The following MYT1L variants were observed in gnomAD, a reference collection of about 807,000 sequenced individuals.
MYT1L encodes the protein myelin transcription factor 1 like.
Under a neutral mutation model 126.7 loss-of-function variants are expected in MYT1L, and 12 were observed. That is an observed-to-expected ratio of 0.09 (90% confidence interval 0.06 to 0.15). MYT1L has a LOEUF of 0.15. Among genes scored for constraint, MYT1L ranks in the 10% least tolerant of loss-of-function variants. The pLI, the probability that MYT1L is intolerant of heterozygous loss-of-function variation, is 1.00. For synonymous variants in MYT1L, 541 were observed against 604.2 expected (o/e 0.90, Z 1.53); for missense variants, 979 against 1,585.2 (o/e 0.62, Z 6.49).
At chr2:2,187,045 C>T (rs6705879) in intron 2 of MYT1L, among the ~76,000 whole-genome samples, 6,269 of 152,126 alleles carry the variant, frequency 0.041, 447 homozygotes, top group African/African-American at 0.14. Context: ...ACTTAAACAG[C>T]AATTCATCCT....
chr2:2,022,939 A>G (rs2065176560), intron 4 of MYT1L, among the ~76,000 whole-genome samples: 2 of 152,168 alleles, frequency 1.3e-5, no homozygotes, highest in South Asian at 4.1e-4. Flanking sequence ...AGCATGTCAA[A>G]TGTCAGTCAC....
At chr2:2,327,731 G>C (rs1263631224) in intron 1 of MYT1L, among the ~76,000 whole-genome samples, 8 of 152,138 alleles carry the variant, frequency 5.3e-5, no homozygotes, top group African/African-American at 1.9e-4. Context: ...TGGTCTAAAA[G>C]GGACACCCAG....
At chr2:2,193,946 A>G (rs2092695469) in intron 2 of MYT1L, among the ~76,000 whole-genome samples, 1 of 150,736 alleles carries the variant, frequency 6.6e-6, no homozygotes, top group Admixed American at 6.6e-5. Context: ...ATATAAAATT[A>G]TTTTTAATAA....
At chr2:1,937,475 C>T (rs1280790616) in intron 9 of MYT1L, among the ~76,000 whole-genome samples, 1 of 149,684 alleles carries the variant, frequency 6.7e-6, no homozygotes, top group Non-Finnish European at 1.5e-5. Context: ...TCAGATCGTA[C>T]GTCGAGAAGG....
chr2:2,285,097 G>C (rs1477308127), intron 1 of MYT1L, among the ~76,000 whole-genome samples: 1 of 152,222 alleles, frequency 6.6e-6, no homozygotes, highest in Non-Finnish European at 1.5e-5. Context: ...ACTTGAGAGA[G>C]TCCCTAGGTC....
intron 2 of MYT1L, among the ~76,000 whole-genome samples, chr2:2,280,721 C>A (rs1473492287): frequency 6.6e-6 from 1 of 152,176 alleles, no homozygotes; most frequent in Admixed American, 6.5e-5. Flanking sequence ...CAGGGTCAGA[C>A]CCCATCAGGA....
At chr2:2,135,680 G>C (rs2148077437) in intron 3 of MYT1L, among the ~76,000 whole-genome samples, 1 of 152,320 alleles carries the variant, frequency 6.6e-6, no homozygotes, top group Non-Finnish European at 1.5e-5. Context: ...CAGTGGAAAA[G>C]GAGGCTGGGT....
intron 21 of MYT1L, among the ~76,000 whole-genome samples, chr2:1,826,579 C>T (rs988689173): frequency 6.6e-6 from 1 of 152,160 alleles, no homozygotes; most frequent in Non-Finnish European, 1.5e-5. Context: ...TCTTTCCCTC[C>T]CAATTGCTTC....
intron 2 of MYT1L, among the ~76,000 whole-genome samples, chr2:2,182,158 G>C (rs879811123): frequency 5.9e-5 from 9 of 152,056 alleles, no homozygotes; most frequent in Non-Finnish European, 1.3e-4. Context: ...TGTGGCCACG[G>C]ACAGCACGCC....
At chr2:2,034,190 A>G (rs186396123) in intron 4 of MYT1L, among the ~76,000 whole-genome samples, 17 of 152,290 alleles carry the variant, frequency 1.1e-4, no homozygotes, top group Admixed American at 9.1e-4. Context: ...GTATCGACAC[A>G]ATTCAGGCAT....
chr2:2,113,480 C>G (rs964938790), intron 3 of MYT1L, among the ~76,000 whole-genome samples: 1 of 152,170 alleles, frequency 6.6e-6, no homozygotes, highest in Non-Finnish European at 1.5e-5. Flanking sequence ...CTCCTACGTG[C>G]TCCCACTTTA....
intron 2 of MYT1L, among the ~76,000 whole-genome samples, chr2:2,184,463 A>G (rs2091904587): frequency 6.6e-6 from 1 of 152,152 alleles, no homozygotes; most frequent in Non-Finnish European, 1.5e-5. Context: ...CATTTTAAAT[A>G]CTTTCTATCA....
intron 1 of MYT1L, among the ~76,000 whole-genome samples, chr2:2,315,442 C>T (rs2096049898): frequency 6.6e-6 from 1 of 152,126 alleles, no homozygotes; most frequent in Non-Finnish European, 1.5e-5. Context: ...AGCCTGAACT[C>T]TTTAATGAAT....
At chr2:2,140,470 T>C (rs1215455066) in intron 3 of MYT1L, among the ~76,000 whole-genome samples, 3 of 147,792 alleles carry the variant, frequency 2.0e-5, no homozygotes, top group Non-Finnish European at 4.5e-5. Flanking sequence ...AGTATCACTC[T>C]GTTGCCCAGG....
intron 4 of MYT1L, among the ~76,000 whole-genome samples, chr2:1,999,174 T>C (rs1192467072): frequency 2.6e-5 from 4 of 152,212 alleles, no homozygotes; most frequent in African/African-American, 7.2e-5. Context: ...CAATAAATGA[T>C]AGTAGGCAGT....
intron 2 of MYT1L, among the ~76,000 whole-genome samples, chr2:2,235,716 G>A (rs1467112104): frequency 1.3e-5 from 2 of 152,076 alleles, no homozygotes; most frequent in East Asian, 3.9e-4. Flanking sequence ...ATACATCACT[G>A]CCTTGGTCAT....
At chr2:2,104,269 A>T (rs2078467849) in intron 3 of MYT1L, among the ~76,000 whole-genome samples, 1 of 152,240 alleles carries the variant, frequency 6.6e-6, no homozygotes, top group African/African-American at 2.4e-5. Flanking sequence ...CAACGCAATA[A>T]TTCTGTAACA....
At position 2,158,181 on chromosome 2, in the gene MYT1L, G is replaced by A. The variant is rs145378410; in HGVS notation, c.-304+14691C>T. Among the ~76,000 whole-genome samples the A allele has an allele frequency of 2.7e-3, 409 of 152,042 alleles. 3 individuals are homozygous for A. The highest frequency in any genetic ancestry group is 9.3e-3 in the African/African-American group (385 of 41,468). On this transcript the variant is annotated intron_variant, in intron 3 of 24. Transcript: ENST00000647738. ...ACACCGAGACCACACAGTGTAGCAA[G>A]TGGGTTCTGAAGCAATATCAGTTAG...
chr2:1,930,888 C>T (rs1288294747), intron 9 of MYT1L, among the ~76,000 whole-genome samples: 4 of 152,224 alleles, frequency 2.6e-5, no homozygotes, highest in African/African-American at 7.2e-5. Flanking sequence ...AGCATAATTC[C>T]CCAGGATGTT....
Sources: gnomAD v4.1 joint callset for allele counts (sites outside exome capture counted in the v4.1 genomes callset) on GRCh38, gnomAD v4.1.1 for gene constraint, MANE v1.5 for transcripts, NCBI Gene and HGNC (gene_info 2026-07-23, HGNC 2026-07-21) for gene names.